Variants in NRG3 observed in about 807,000 individuals in gnomAD.
The protein encoded by NRG3 is neuregulin 3.
Under a neutral mutation model 66.9 loss-of-function variants are expected in NRG3, and 31 were observed. The observed-to-expected ratio is 0.46, with a 90% confidence interval of 0.35 to 0.63. NRG3 has a LOEUF of 0.63. Ranked by LOEUF, NRG3 falls within the 20% of genes least tolerant of loss-of-function variation. The probability of loss-of-function intolerance (pLI) is 0.00; values close to 1 mark genes in which losing one functional copy is unlikely to be tolerated. For missense variants in NRG3, 910 were observed against 878.9 expected (o/e 1.04, Z -0.45); for synonymous variants, 393 against 359.4 (o/e 1.09, Z -1.06).
intron 3 of NRG3, among the ~76,000 whole-genome samples, chr10:82,829,223 T>A (rs2062393635): frequency 6.6e-6 from 1 of 152,168 alleles, no homozygotes; most frequent in South Asian, 2.1e-4. Context: ...AAGATCTGAT[T>A]GGAGCACAGT....
At chr10:82,418,193 T>C (rs893032922) in intron 2 of NRG3, among the ~76,000 whole-genome samples, 2 of 152,180 alleles carry the variant, frequency 1.3e-5, no homozygotes, top group Non-Finnish European at 2.9e-5. Context: ...GAAAGGCAGT[T>C]CACCTTCTCT....
At chr10:82,649,396 C>T (rs2051225641) in intron 2 of NRG3, among the ~76,000 whole-genome samples, 1 of 148,610 alleles carries the variant, frequency 6.7e-6, no homozygotes, top group South Asian at 2.2e-4. Flanking sequence ...ATAAGCCTAT[C>T]ACAAGCTTTT....
intron 1 of NRG3, among the ~76,000 whole-genome samples, chr10:82,111,674 C>G (rs2067395379): frequency 6.6e-6 from 1 of 152,102 alleles, no homozygotes; most frequent in Admixed American, 6.6e-5. Flanking sequence ...CACATTTATT[C>G]ATGATATTAT....
At chr10:82,398,799 A>G (rs952939089) in intron 2 of NRG3, among the ~76,000 whole-genome samples, 4 of 152,098 alleles carry the variant, frequency 2.6e-5, no homozygotes, top group South Asian at 4.1e-4. Context: ...GCCAGTGATC[A>G]TTCCTGGGCT....
intron 2 of NRG3, among the ~76,000 whole-genome samples, chr10:82,522,657 A>G (rs770573066): frequency 1.3e-5 from 2 of 152,134 alleles, no homozygotes; most frequent in African/African-American, 2.4e-5. Context: ...AAAAAATGCA[A>G]TATCTGCAAA....
intron 2 of NRG3, among the ~76,000 whole-genome samples, chr10:82,642,393 A>C (rs1245182047): frequency 6.6e-6 from 1 of 152,226 alleles, no homozygotes; most frequent in East Asian, 1.9e-4. Context: ...ACAGCTGTTA[A>C]CATCAATAAA....
At chr10:82,129,926 T>G (rs1234332134) in intron 1 of NRG3, among the ~76,000 whole-genome samples, 1 of 152,144 alleles carries the variant, frequency 6.6e-6, no homozygotes, top group Non-Finnish European at 1.5e-5. Flanking sequence ...TATCAAATAC[T>G]AGATCTTATT....
intron 1 of NRG3, among the ~76,000 whole-genome samples, chr10:82,342,630 G>A (rs577232541): frequency 6.6e-6 from 1 of 151,998 alleles, no homozygotes; most frequent in Non-Finnish European, 1.5e-5. Flanking sequence ...TATTTTTCTT[G>A]TTGAGCTGTT....
intron 1 of NRG3, among the ~76,000 whole-genome samples, chr10:82,292,882 C>G (rs1326857225): frequency 6.6e-6 from 1 of 152,074 alleles, no homozygotes; most frequent in Non-Finnish European, 1.5e-5. Context: ...TAAGAGGGAT[C>G]CTTATGGTGA....
intron 3 of NRG3, among the ~76,000 whole-genome samples, chr10:82,863,595 T>G (rs1460889006): frequency 6.6e-6 from 1 of 152,232 alleles, no homozygotes; most frequent in African/African-American, 2.4e-5. Context: ...TGATTTGCAT[T>G]TCTCTAATGA....
chr10:82,689,290 T>C (rs1419433054), intron 2 of NRG3, among the ~76,000 whole-genome samples: 3 of 152,166 alleles, frequency 2.0e-5, no homozygotes, highest in South Asian at 2.1e-4. Flanking sequence ...GATGTACTGA[T>C]TATGAAATGT....
intron 4 of NRG3, among the ~76,000 whole-genome samples, chr10:82,882,596 A>G (rs1369158732): frequency 6.6e-6 from 1 of 152,172 alleles, no homozygotes; most frequent in Non-Finnish European, 1.5e-5. Context: ...CAAATGTTGT[A>G]AGTTCCTTGT....
At chr10:82,506,063 C>G (rs1028566902) in intron 2 of NRG3, among the ~76,000 whole-genome samples, 6 of 152,092 alleles carry the variant, frequency 3.9e-5, no homozygotes, top group Non-Finnish European at 7.4e-5. Context: ...CTGGCTAACA[C>G]GGAAAAACCC....
intron 1 of NRG3, among the ~76,000 whole-genome samples, chr10:82,175,943 T>C (rs2073002610): frequency 6.6e-6 from 1 of 152,220 alleles, no homozygotes; most frequent in South Asian, 2.1e-4. Context: ...GAGATATCTG[T>C]GGTCTAGAGA....
At chr10:82,248,081 T>C (rs1292485257) in intron 1 of NRG3, among the ~76,000 whole-genome samples, 1 of 152,202 alleles carries the variant, frequency 6.6e-6, no homozygotes, top group African/African-American at 2.4e-5. Flanking sequence ...ATCTTTCTTA[T>C]TACTCATCCA....
At chr10:82,973,048 C>A (rs570400318) in intron 6 of NRG3, among the ~76,000 whole-genome samples, 1 of 152,170 alleles carries the variant, frequency 6.6e-6, no homozygotes, top group Admixed American at 6.5e-5. Context: ...TAGAAGAGAA[C>A]TCTTCTACCT....
At chr10:82,754,538 GAAA>G (rs5786572) in intron 3 of NRG3, among the ~76,000 whole-genome samples, 2 of 118,142 alleles carry the variant, frequency 1.7e-5, no homozygotes. Context: ...GGGGGGAAAA[GAAA>G]AAAAAAAAAA....
chr10:82,486,616 G>A (rs1168015683), intron 2 of NRG3, among the ~76,000 whole-genome samples: 1 of 152,058 alleles, frequency 6.6e-6, no homozygotes, highest in Non-Finnish European at 1.5e-5. Flanking sequence ...GTTTCACCAT[G>A]TTGGCGAGGC....
Position 82,969,249 on chromosome 10 carries a change from T to C in NRG3, c.1285-4539T>C, listed in dbSNP as rs146792173. The stretch of plus-strand genomic sequence containing the variant: ...GGCCTTCTAGGCACCTAGGTTTTTC[T>C]TGTAAACCAGTTTATTAGATAAAAA... On this transcript the variant is annotated intron_variant, in intron 6 of 8. Transcript: ENST00000372141. Among the ~76,000 whole-genome samples the C allele has an allele frequency of 5.0e-3, 768 of 152,322 alleles. 5 individuals carry two copies. Among genetic ancestry groups the C allele is most frequent in the African/African-American group, 0.017 (725 of 41,578 alleles).
Sources: allele counts gnomAD v4.1 joint callset (sites outside exome capture counted in the v4.1 genomes callset), GRCh38; gene constraint gnomAD v4.1.1; transcripts MANE v1.5; gene names NCBI Gene and HGNC (gene_info 2026-07-23, HGNC 2026-07-21).